Variants in EIPR1 observed in about 807,000 individuals in gnomAD.
EIPR1 encodes the protein EARP complex and GARP complex interacting protein 1.
EIPR1 carries 25 observed loss-of-function variants against 48.1 expected under a neutral mutation model. That is an observed-to-expected ratio of 0.52 (90% CI 0.38 to 0.73). EIPR1 has a LOEUF of 0.73. Ranked by LOEUF, EIPR1 falls within the 30% of genes least tolerant of loss-of-function variation. The pLI is 0.00. For synonymous variants in EIPR1, 204 were observed against 201.9 expected, an observed-to-expected ratio of 1.01 and a Z score of -0.09; for missense variants, 415 against 506.2, an observed-to-expected ratio of 0.82 and a Z score of 1.73.
chr2:3,294,814 T>TA (rs1558279603), intron 3 of EIPR1, among the ~76,000 whole-genome samples: 1 of 110,630 alleles, frequency 9.0e-6, no homozygotes, highest in Non-Finnish European at 1.9e-5. Context: ...CCATCCTCTC[T>TA]CCACACACCC....
intron 4 of EIPR1, among the ~76,000 whole-genome samples, chr2:3,256,249 G>A (rs986845656): frequency 5.3e-5 from 8 of 152,284 alleles, no homozygotes; most frequent in African/African-American, 1.4e-4. Context: ...CTCAGTCCCC[G>A]TTCCAAACTC....
chr2:3,226,589 T>C (rs956752992), intron 4 of EIPR1, among the ~76,000 whole-genome samples: 1 of 152,248 alleles, frequency 6.6e-6, no homozygotes, highest in African/African-American at 2.4e-5. Flanking sequence ...ATGTTTCTTT[T>C]GCTGTGCAGA....
intron 3 of EIPR1, chr2:3,301,176 G>A (rs1036521453): frequency 7.9e-5 from 12 of 152,284 alleles, no homozygotes; most frequent in Admixed American, 3.9e-4. Flanking sequence ...AAGTTCCTCT[G>A]TGTCTGCATG....
chr2:3,300,405 A>G (rs1668730658), intron 3 of EIPR1, among the ~76,000 whole-genome samples: 1 of 152,088 alleles, frequency 6.6e-6, no homozygotes, highest in Non-Finnish European at 1.5e-5. Flanking sequence ...CCTTCTCGTC[A>G]GTGCCTCAGC....
chr2:3,193,564 G>A (rs1313810952), intron 7 of EIPR1, among the ~76,000 whole-genome samples: 3 of 152,204 alleles, frequency 2.0e-5, no homozygotes, highest in Non-Finnish European at 2.9e-5. Flanking sequence ...TAGGGAGAAT[G>A]AGTGACCTCA....
intron 6 of EIPR1, among the ~76,000 whole-genome samples, chr2:3,196,398 G>A (rs886604312): frequency 1.3e-5 from 2 of 152,152 alleles, no homozygotes; most frequent in African/African-American, 4.8e-5. Flanking sequence ...GCTCTTATTT[G>A]TTCCATTAGA....
intron 3 of EIPR1, among the ~76,000 whole-genome samples, chr2:3,269,160 C>G (rs527475939): frequency 6.6e-6 from 1 of 152,360 alleles, no homozygotes; most frequent in African/African-American, 2.4e-5. Flanking sequence ...GTCTGATCAT[C>G]AAGCCTTAAG....
At chr2:3,285,666 G>A (rs1030691945) in intron 3 of EIPR1, among the ~76,000 whole-genome samples, 2 of 149,842 alleles carry the variant, frequency 1.3e-5, no homozygotes, top group Non-Finnish European at 3.0e-5. Context: ...CGATGTCTCC[G>A]GGACCCTCGC....
chr2:3,339,866 C>T (rs186592251), intron 2 of EIPR1, among the ~76,000 whole-genome samples: 4,859 of 152,284 alleles, frequency 0.032, 113 homozygotes, highest in South Asian at 0.084. Context: ...AGGAGAATGG[C>T]GTGAACCCGG....
At chr2:3,330,104 C>T (rs12623700) in intron 3 of EIPR1, among the ~76,000 whole-genome samples, 1 of 152,062 alleles carries the variant, frequency 6.6e-6, no homozygotes, top group African/African-American at 2.4e-5. Flanking sequence ...TTCCCCTCGG[C>T]GAATTCCTGA....
intron 3 of EIPR1, among the ~76,000 whole-genome samples, chr2:3,293,780 G>T (rs1390884351): frequency 6.6e-6 from 1 of 152,144 alleles, no homozygotes; most frequent in Non-Finnish European, 1.5e-5. Context: ...TTATTTTAAG[G>T]CAATGATCAA....
chr2:3,273,139 T>C (rs1032705597), intron 3 of EIPR1, among the ~76,000 whole-genome samples: 1 of 152,242 alleles, frequency 6.6e-6, no homozygotes, highest in African/African-American at 2.4e-5. Flanking sequence ...TTCTCTTTCA[T>C]GTATCAATAG....
intron 3 of EIPR1, among the ~76,000 whole-genome samples, chr2:3,277,983 C>G (rs1159486778): frequency 5.9e-5 from 9 of 152,344 alleles, no homozygotes; most frequent in African/African-American, 2.2e-4. Context: ...TGCACCAGCA[C>G]TCCCATTTCA....
intron 4 of EIPR1, among the ~76,000 whole-genome samples, chr2:3,248,580 C>T (rs1421728679): frequency 6.6e-6 from 1 of 150,582 alleles, no homozygotes; most frequent in Non-Finnish European, 1.5e-5. Flanking sequence ...GGCAACAGAC[C>T]AAGACTCCGT....
chr2:3,223,806 G>A (rs527962671), intron 4 of EIPR1, among the ~76,000 whole-genome samples: 59 of 152,136 alleles, frequency 3.9e-4, no homozygotes, highest in East Asian at 7.8e-4. Context: ...ACGGCATGGC[G>A]GCATGCCTGT....
At position 3,220,323 on chromosome 2, in the gene EIPR1, C is replaced by T. The variant is rs570314159; in HGVS notation, c.417-6075G>A. On this transcript the variant is annotated intron_variant, in intron 4 of 8. Transcript: ENST00000382125. ...ATACACTAGAGCATTCACAGTGAGT[C>T]GGGGACACACGCACACAATGGCCAT... Among the ~76,000 whole-genome samples the T allele has an allele frequency of 1.3e-4, 20 of 151,496 alleles. No homozygotes were observed. The East Asian group carries it at 2.0e-3, about 15-fold the overall frequency.
chr2:3,329,474 C>T (rs1319176063), intron 3 of EIPR1, among the ~76,000 whole-genome samples: 1 of 148,756 alleles, frequency 6.7e-6, no homozygotes, highest in Non-Finnish European at 1.5e-5. Context: ...CTCGAGGTTC[C>T]AGCCAGGCTC....
intron 2 of EIPR1, among the ~76,000 whole-genome samples, chr2:3,352,996 C>CA (rs1409324240): frequency 6.6e-6 from 1 of 151,914 alleles, no homozygotes; most frequent in African/African-American, 2.4e-5. Flanking sequence ...AACTCTGTCT[C>CA]AAAAAAACAA....
At position 3,189,159 on chromosome 2, in the gene EIPR1, C is replaced by T. The variant is rs548445017; in HGVS notation, c.*175G>A. The T allele has an allele frequency of 3.1e-5, 18 of 583,978 alleles. No individual in the cohort carries two copies. The Admixed American group carries it at 3.7e-4, about 12-fold the overall frequency. 36.2% of individuals were successfully genotyped at this position (583,978 alleles called of 1,614,324 possible). The stretch of plus-strand genomic sequence containing the variant: ...TGGGTTCGGGCATTAGCTGTGCCGT[C>T]GACAATAGCCCCATTCACCCCATTC... On this transcript the variant is annotated 3_prime_UTR_variant, in exon 9 of 9. Transcript: ENST00000382125. This position sits in a 1 kb window ranked among gnomAD's most constrained non-coding sequence, Gnocchi z 4.6.
Sources: gnomAD v4.1 joint callset for allele counts (sites outside exome capture counted in the v4.1 genomes callset) on GRCh38, gnomAD v4.1.1 for gene constraint, Gnocchi (gnomAD v3.1) non-coding constraint, MANE v1.5 for transcripts, NCBI Gene and HGNC (gene_info 2026-07-23, HGNC 2026-07-21) for gene names.